Variants in NUP107 observed in about 807,000 individuals in gnomAD.
NUP107 encodes the protein nuclear pore complex protein Nup107.
Under a neutral mutation model 141.0 loss-of-function variants are expected in NUP107, and 101 were observed. The ratio of observed to expected loss-of-function variants is 0.72; its 90% CI spans 0.61 to 0.84. NUP107 has a LOEUF of 0.84. NUP107 is among the 40% of genes least tolerant of loss of function. The pLI, the probability that NUP107 is intolerant of heterozygous loss-of-function variation, is 0.00. For synonymous variants in NUP107, 319 were observed against 363.9 expected (o/e 0.88, Z 1.41); for missense variants, 941 against 1,102.7 (o/e 0.85, Z 2.08).
Position 68,721,121 on chromosome 12 carries a change from CT to C in NUP107, c.1260del (p.Phe420LeufsTer12). 1 of 1,592,304 alleles carries C rather than the reference CT, an allele frequency of 6.3e-7. No homozygotes were observed. Among genetic ancestry groups the C allele is most frequent in the Non-Finnish European group, 8.6e-7 (1 of 1,163,526 alleles). On this transcript the variant is annotated frameshift_variant, in exon 15 of 28. Transcript: ENST00000229179. LOFTEE classifies it high-confidence loss of function. ...ISCWRMAEDELFNRYERAIYA... is the reference protein window; with the variant it reads ...ISCWRMAEDEXFNRYERAIYA... ...GTTTATATTCATTGTGTTTTAGGAG[CT>C]TTTTAATAGATACGAGAGAGCAATT... is the stretch of plus-strand genomic sequence containing the variant.
intron 5 of NUP107, among the ~76,000 whole-genome samples, chr12:68,694,658 T>TA (rs1565686302): frequency 1.3e-5 from 2 of 152,192 alleles, no homozygotes; most frequent in Non-Finnish European, 1.5e-5. Flanking sequence ...TCCCAGCAAT[T>TA]TGGGAGGCTG....
intron 11 of NUP107, among the ~76,000 whole-genome samples, chr12:68,715,323 G>C (rs1051951414): frequency 6.6e-6 from 1 of 152,164 alleles, no homozygotes; most frequent in East Asian, 1.9e-4. Flanking sequence ...GTGAAACCCC[G>C]TCTCTACTAA....
intron 5 of NUP107, among the ~76,000 whole-genome samples, chr12:68,692,334 AC>A (rs1875839755): frequency 6.6e-6 from 1 of 151,928 alleles, no homozygotes; most frequent in South Asian, 2.1e-4. Context: ...TAATCCTAGC[AC>A]TTTGAGAGGC....
intron 9 of NUP107, 110 bp from the exon 10 acceptor site, chr12:68,709,895 A>AT (rs924062010): frequency 1.1e-5 from 7 of 648,970 alleles, no homozygotes; most frequent in Admixed American, 2.8e-5. Context: ...TCTCAAAAAA[A>AT]AAAATAAAAA....
At chr12:68,701,971 A>G (rs1876351465) in intron 7 of NUP107, among the ~76,000 whole-genome samples, 3 of 151,270 alleles carry the variant, frequency 2.0e-5, no homozygotes, top group Non-Finnish European at 2.9e-5. Flanking sequence ...CACCATGCCT[A>G]GCTAATTTTT....
At chr12:68,687,817 A>G (rs1875573093) in intron 1 of NUP107, 1 of 226,936 alleles carries the variant, frequency 4.4e-6, no homozygotes, top group South Asian at 1.6e-4. Context: ...GGGTACTGTT[A>G]TCCTTTTTTC....
chr12:68,734,894 T>A, intron 25 of NUP107, 61 bp downstream of exon 25: 2 of 1,537,818 alleles, frequency 1.3e-6, no homozygotes, highest in Non-Finnish European at 1.8e-6. Flanking sequence ...GTTGTATATT[T>A]AAAGAGATCG....
intron 10 of NUP107, among the ~76,000 whole-genome samples, chr12:68,710,392 T>C (rs1876791045): frequency 6.6e-6 from 1 of 152,186 alleles, no homozygotes; most frequent in Non-Finnish European, 1.5e-5. Context: ...GTGTGATGGC[T>C]CACGCCTGTA....
Position 68,692,780 on chromosome 12 carries a change from C to T in NUP107, c.448+668C>T, listed in dbSNP as rs538299113. On this transcript the variant is annotated intron_variant, in intron 5 of 27. Coordinates refer to ENST00000229179, the MANE Select transcript of NUP107 (RefSeq NM_020401.4). ...TTTTTTTTTTTTTGAGATGGAGTCT[C>T]GCTCTGTCACCCAGACTGGAGTGGA... Among the ~76,000 whole-genome samples, 16 of 145,662 alleles carry T rather than the reference C, an allele frequency of 1.1e-4. No homozygotes were observed. The South Asian group carries it at 1.9e-3, about 18-fold the overall frequency.
At position 68,690,759 on chromosome 12, in the gene NUP107, A is replaced by G. The variant is rs2135996062; in HGVS notation, c.303+13A>G. 1 of 1,613,746 alleles carries G rather than the reference A, an allele frequency of 6.2e-7. No individual in the cohort carries two copies. The highest frequency in any genetic ancestry group is 8.5e-7 in the Non-Finnish European group (1 of 1,179,788). On this transcript the variant is annotated intron_variant, in intron 4 of 27. Transcript: ENST00000229179. ...AAATCTCTCCATGGTATGTAGAAAA[A>G]TAGGGCTAAGAACTCCTTTTGGGTC...
intron 3 of NUP107, 161 bp downstream of exon 3, chr12:68,689,780 G>T: frequency 1.8e-6 from 1 of 565,494 alleles, no homozygotes; most frequent in Non-Finnish European, 3.1e-6. Context: ...CATGTACAAG[G>T]TACTGTACTT....
At position 68,702,738 on chromosome 12, in the gene NUP107, A is replaced by T. The variant is rs1236089263; in HGVS notation, c.683A>T (p.Asp228Val). ...TATTTTGTCTTATTTTTCCCCAGAG[A>T]CAGAATACAGTCTGCATTAGAAGAG... The part of the protein sequence containing the change: ...TWRLLASLYR[D>V]RIQSALEEES... The change falls in exon 8 of 28, where the codon GAC becomes GTC. Residue 228 changes from aspartate to valine, a missense_variant and splice_region_variant. Physicochemically the swap from Asp to Val is radical, Grantham distance 152. Transcript: ENST00000229179. 5 of 1,539,324 alleles carry T rather than the reference A, an allele frequency of 3.2e-6. No homozygotes were observed. Among genetic ancestry groups the T allele is most frequent in the Non-Finnish European group, 3.5e-6 (4 of 1,141,958 alleles).
intron 8 of NUP107, among the ~76,000 whole-genome samples, chr12:68,703,957 C>G (rs1031669003): frequency 2.0e-5 from 3 of 151,978 alleles, no homozygotes; most frequent in Admixed American, 2.0e-4. Context: ...GCCTGTGGTC[C>G]CAGCAACTTG....
intron 20 of NUP107, among the ~76,000 whole-genome samples, chr12:68,730,807 A>G (rs977433216): frequency 6.6e-6 from 1 of 152,096 alleles, no homozygotes; most frequent in African/African-American, 2.4e-5. Flanking sequence ...TCTACTAAAA[A>G]AAAATACAAA....
chr12:68,714,046 AC>A (rs1876995598), intron 11 of NUP107: 2 of 444,192 alleles, frequency 4.5e-6, no homozygotes, highest in Non-Finnish European at 7.8e-6. Context: ...AGCATTAAAA[AC>A]AAATTAATTT....
chr12:68,692,603 A>C (rs904298365), intron 5 of NUP107, among the ~76,000 whole-genome samples: 1 of 150,426 alleles, frequency 6.6e-6, no homozygotes, highest in Non-Finnish European at 1.5e-5. Context: ...AAAAAAAAAC[A>C]GTCACTCTGT....
Position 68,702,785 on chromosome 12 carries a change from G to T in NUP107, c.729+1G>T. On this transcript the variant is annotated splice_donor_variant, in intron 8 of 27. Coordinates refer to ENST00000229179, the MANE Select transcript of NUP107 (RefSeq NM_020401.4). LOFTEE classifies it high-confidence loss of function. ...AGAGGAAAGTGTATTCGCAGTTACT[G>T]TAAGTTTTATATTAATTTTTTCTTT... 1.3e-6 allele frequency: 2 copies of T among 1,493,562 alleles called. No individual in the cohort carries two copies. The highest frequency in any genetic ancestry group is 4.8e-5 in the East Asian group (2 of 42,088). The allele number at this position is 1,493,562 out of a possible 1,614,324, so 92.5% of individuals were successfully genotyped here.
chr12:68,702,532 T>C lies in NUP107; in HGVS notation c.681-204T>C, dbSNP rs186635687. On this transcript the variant is annotated intron_variant, in intron 7 of 27. Transcript: ENST00000229179. ...TGCCTGTCTCAGCCTCCCAAAGTGC[T>C]GGGATTACAGGTATGAGCCAGTGTG... Among the ~76,000 whole-genome samples, 1,421 of 152,326 alleles carry C rather than the reference T, an allele frequency of 9.3e-3. 12 individuals carry two copies. The highest frequency in any genetic ancestry group is 0.021 in the South Asian group (101 of 4,820).
chr12:68,723,998 A>G (rs1877456509), intron 17 of NUP107, among the ~76,000 whole-genome samples: 1 of 152,220 alleles, frequency 6.6e-6, no homozygotes, highest in Non-Finnish European at 1.5e-5. Context: ...AAAACAAGAA[A>G]ATTAAGGAAC....
Sources: allele counts gnomAD v4.1 joint callset (sites outside exome capture counted in the v4.1 genomes callset), GRCh38; gene constraint gnomAD v4.1.1; transcripts MANE v1.5; gene names NCBI Gene and HGNC (gene_info 2026-07-23, HGNC 2026-07-21).